The following CTNNA2 variants were observed in gnomAD, a reference collection of about 807,000 sequenced individuals.
CTNNA2 encodes the protein catenin alpha-2.
CTNNA2 carries 42 observed loss-of-function variants against 101.0 expected under a neutral mutation model. The observed-to-expected ratio is 0.42, with a 90% CI of 0.32 to 0.54. The LOEUF (loss-of-function observed/expected upper bound fraction) is 0.54. Among genes scored for constraint, CTNNA2 ranks in the 20% least tolerant of loss-of-function variants. The probability of loss-of-function intolerance (pLI) is 0.14; values close to 1 mark genes in which losing one functional copy is unlikely to be tolerated. For synonymous variants in CTNNA2, 450 were observed against 456.4 expected, an observed-to-expected ratio of 0.99 and a Z score of 0.18; for missense variants, 871 against 1,223.1, an observed-to-expected ratio of 0.71 and a Z score of 4.29.
intron 9 of CTNNA2, among the ~76,000 whole-genome samples, chr2:80,428,035 A>T (rs1217729962): frequency 2.0e-5 from 3 of 152,238 alleles, no homozygotes; most frequent in Non-Finnish European, 2.9e-5. Context: ...TGAGGTCGGG[A>T]AAGTCTTCCC....
chr2:79,322,008 T>C (rs1258452513), intron 3 of CTNNA2, among the ~76,000 whole-genome samples: 1 of 152,234 alleles, frequency 6.6e-6, no homozygotes, highest in Non-Finnish European at 1.5e-5. Flanking sequence ...TTTAGTCTTT[T>C]TATTTATAAA....
intron 2 of CTNNA2, among the ~76,000 whole-genome samples, chr2:79,742,711 A>G (rs1416211167): frequency 1.3e-5 from 2 of 152,168 alleles, no homozygotes; most frequent in African/African-American, 4.8e-5. Context: ...TCGCATACAC[A>G]TTTTACAGCT....
intron 4 of CTNNA2, among the ~76,000 whole-genome samples, chr2:79,381,291 A>G (rs974749783): frequency 1.1e-4 from 16 of 152,288 alleles, no homozygotes; most frequent in Admixed American, 9.2e-4. Context: ...ACGTAAATTA[A>G]TAATAATAGA....
At chr2:79,358,067 AT>A (rs958440394) in intron 3 of CTNNA2, among the ~76,000 whole-genome samples, 18 of 152,008 alleles carry the variant, frequency 1.2e-4, no homozygotes, top group African/African-American at 4.1e-4. Flanking sequence ...CAAAGATGAA[AT>A]TTTTTTTGGT....
At chr2:79,844,750 G>T (rs1223826281) in intron 3 of CTNNA2, among the ~76,000 whole-genome samples, 1 of 152,120 alleles carries the variant, frequency 6.6e-6, no homozygotes, top group Admixed American at 6.5e-5. Flanking sequence ...AACTATTGAT[G>T]CAGGCTTGCT....
intron 7 of CTNNA2, among the ~76,000 whole-genome samples, chr2:79,969,559 TC>T (rs1690326521): frequency 6.6e-6 from 1 of 152,230 alleles, no homozygotes. Flanking sequence ...TAGGAATGTT[TC>T]CAAATAAATT....
intron 7 of CTNNA2, among the ~76,000 whole-genome samples, chr2:80,069,923 G>A (rs7560951): frequency 1.3e-5 from 2 of 152,184 alleles, no homozygotes; most frequent in African/African-American, 2.4e-5. Flanking sequence ...TGGGCTATTC[G>A]TACTTCTGTC....
intron 3 of CTNNA2, among the ~76,000 whole-genome samples, chr2:79,768,028 G>A (rs1673288460): frequency 6.6e-6 from 1 of 151,768 alleles, no homozygotes; most frequent in Admixed American, 6.6e-5. Context: ...GAGACCCAGA[G>A]CACTTTGGCA....
intron 2 of CTNNA2, among the ~76,000 whole-genome samples, chr2:79,721,462 C>T (rs189813718): frequency 6.6e-6 from 1 of 152,192 alleles, no homozygotes; most frequent in Non-Finnish European, 1.5e-5. Context: ...CTAATTACCT[C>T]CCATTTCCAA....
At chr2:80,095,801 A>G (rs990118987) in intron 7 of CTNNA2, among the ~76,000 whole-genome samples, 11 of 151,814 alleles carry the variant, frequency 7.2e-5, no homozygotes, top group African/African-American at 2.4e-4. Context: ...AGAGGTGTTT[A>G]TAGTATTCTC....
intron 3 of CTNNA2, among the ~76,000 whole-genome samples, chr2:79,350,073 CAAAAAAAAAAAA>C (rs59503765): frequency 7.0e-5 from 4 of 57,462 alleles, no homozygotes; most frequent in African/African-American, 1.3e-4. Flanking sequence ...GACTCCTTCT[CAAAAAAAAAAAA>C]AAAAAAAAAA....
chr2:79,346,257 C>T (rs1205749455), intron 3 of CTNNA2, among the ~76,000 whole-genome samples: 3 of 152,072 alleles, frequency 2.0e-5, no homozygotes, highest in African/African-American at 7.2e-5. Context: ...TGACCTAACC[C>T]CTGTCACAGT....
chr2:80,069,983 A>G (rs1041322671), intron 7 of CTNNA2, among the ~76,000 whole-genome samples: 1 of 152,208 alleles, frequency 6.6e-6, no homozygotes, highest in Non-Finnish European at 1.5e-5. Context: ...GCATGGTAAT[A>G]CTAAACTAAG....
chr2:80,343,480 A>C (rs760031665), intron 7 of CTNNA2, among the ~76,000 whole-genome samples: 1 of 151,712 alleles, frequency 6.6e-6, no homozygotes, highest in Non-Finnish European at 1.5e-5. Context: ...GATGAAAATG[A>C]TTATATAATT....
intron 4 of CTNNA2, among the ~76,000 whole-genome samples, chr2:79,428,445 C>T (rs370514991): frequency 1.6e-4 from 25 of 152,056 alleles, no homozygotes; most frequent in Middle Eastern, 3.4e-3. Context: ...CTAGTAGTCA[C>T]TGGGAACAGA....
rs114849816 is a variant in CTNNA2 at position 79,832,479 on chromosome 2, T to C, written c.299-25534T>C. Among the ~76,000 whole-genome samples the C allele has an allele frequency of 8.9e-3, 1,352 of 152,338 alleles. 27 individuals carry two copies. The highest frequency in any genetic ancestry group is 0.031 in the African/African-American group (1,274 of 41,582). ...TTACAAATATGCTTTCTCCCATAAA[T>C]ATTATGCCATTTACATTGATATGGC... On this transcript the variant is annotated intron_variant, in intron 3 of 18. Transcript: ENST00000402739.
At chr2:80,100,041 T>A (rs1168687418) in intron 7 of CTNNA2, among the ~76,000 whole-genome samples, 2 of 152,142 alleles carry the variant, frequency 1.3e-5, no homozygotes, top group East Asian at 3.9e-4. Flanking sequence ...GCAATTCTCC[T>A]GCCCCAGCCT....
At chr2:80,122,153 T>C (rs1192521206) in intron 7 of CTNNA2, among the ~76,000 whole-genome samples, 1 of 144,346 alleles carries the variant, frequency 6.9e-6, no homozygotes, top group African/African-American at 2.5e-5. Context: ...GGGTTGGAGC[T>C]TGGAATCTCT....
intron 7 of CTNNA2, among the ~76,000 whole-genome samples, chr2:79,912,013 C>A (rs2104334768): frequency 6.6e-6 from 1 of 152,322 alleles, no homozygotes; most frequent in East Asian, 1.9e-4. Flanking sequence ...AACAGTAAAT[C>A]AGTCTATCGT....
Sources: allele counts gnomAD v4.1 joint callset (sites outside exome capture counted in the v4.1 genomes callset), GRCh38; gene constraint gnomAD v4.1.1; transcripts MANE v1.5; gene names NCBI Gene and HGNC (gene_info 2026-07-23, HGNC 2026-07-21).